CPED1: variants seen among roughly 807,000 people sequenced by gnomAD.
CPED1 encodes cadherin like and PC-esterase domain containing 1.
Under a neutral mutation model 128.2 loss-of-function variants are expected in CPED1, and 114 were observed. The ratio of observed to expected loss-of-function variants is 0.89; its 90% CI spans 0.76 to 1.04. CPED1 has a LOEUF of 1.04. CPED1 is among the 50% of genes least tolerant of loss of function. The pLI is 0.00. For missense variants in CPED1, 1,211 were observed against 1,207.1 expected, an observed-to-expected ratio of 1.00 and a Z score of -0.05; for synonymous variants, 462 against 426.7, an observed-to-expected ratio of 1.08 and a Z score of -1.02.
chr7:121,015,859 T>C lies in CPED1; in HGVS notation c.433+11T>C. 8 of 1,449,882 alleles carry C rather than the reference T, an allele frequency of 5.5e-6. No homozygotes were observed. Among genetic ancestry groups the C allele is most frequent in the Non-Finnish European group, 7.3e-6 (8 of 1,100,866 alleles). The allele number at this position is 1,449,882 out of a possible 1,614,324, so 89.8% of individuals were successfully genotyped here. ...GGCTACTAGAACAAGGTCAGAATAG[T>C]GAGAAGTAACTGCCAAAGTCACTTG... is the stretch of plus-strand genomic sequence containing the variant. On this transcript the variant is annotated intron_variant, in intron 3 of 22. Transcript: ENST00000310396.
intron 16 of CPED1, among the ~76,000 whole-genome samples, chr7:121,165,126 T>C (rs1165489838): frequency 6.6e-6 from 1 of 152,154 alleles, no homozygotes; most frequent in Non-Finnish European, 1.5e-5. Context: ...TTGCCCTTGT[T>C]AAACATAATT....
At chr7:121,169,069 G>A (rs1478287815) in intron 16 of CPED1, among the ~76,000 whole-genome samples, 1 of 152,058 alleles carries the variant, frequency 6.6e-6, no homozygotes, top group Non-Finnish European at 1.5e-5. Context: ...TGAAACAAAT[G>A]CAATATTACA....
chr7:121,105,929 T>A (rs965363628), intron 7 of CPED1, among the ~76,000 whole-genome samples: 28 of 152,148 alleles, frequency 1.8e-4, no homozygotes, highest in Admixed American at 2.0e-4. Context: ...TAAAGAAAAC[T>A]ATTCATTAAT....
At chr7:121,129,285 ATG>A (rs1421556787) in intron 11 of CPED1, among the ~76,000 whole-genome samples, 11 of 80,178 alleles carry the variant, frequency 1.4e-4, no homozygotes, top group South Asian at 4.5e-4. Context: ...GTGTGTATAT[ATG>A]TATATATATA....
intron 16 of CPED1, among the ~76,000 whole-genome samples, chr7:121,207,715 CTT>C (rs1219462835): frequency 2.0e-5 from 3 of 152,004 alleles, no homozygotes; most frequent in Non-Finnish European, 4.4e-5. Context: ...TTTTTGAGGT[CTT>C]GGGGAAAATC....
chr7:121,087,682 G>GTTTTTTTTTTTA (rs1794466437), intron 5 of CPED1, among the ~76,000 whole-genome samples: 1 of 111,580 alleles, frequency 9.0e-6, no homozygotes, highest in African/African-American at 4.1e-5. Flanking sequence ...TTTTTTTTTG[G>GTTTTTTTTTTTA]CAGAGTCTTT....
At chr7:121,061,400 T>C (rs1793668735) in intron 4 of CPED1, among the ~76,000 whole-genome samples, 1 of 152,226 alleles carries the variant, frequency 6.6e-6, no homozygotes, top group Non-Finnish European at 1.5e-5. Flanking sequence ...ATGCATATTG[T>C]ATATATGGCA....
chr7:121,193,228 T>C (rs1282007047), intron 16 of CPED1, among the ~76,000 whole-genome samples: 1 of 152,162 alleles, frequency 6.6e-6, no homozygotes, highest in South Asian at 2.1e-4. Context: ...TTTCTATTTG[T>C]TTTTACAATG....
intron 18 of CPED1, among the ~76,000 whole-genome samples, chr7:121,255,895 G>GA (rs1375873314): frequency 1.3e-5 from 2 of 151,610 alleles, no homozygotes; most frequent in African/African-American, 2.4e-5. Context: ...AAATACTGCT[G>GA]AAAAAATCAG....
chr7:121,037,820 G>A (rs973146641), intron 3 of CPED1, among the ~76,000 whole-genome samples: 3 of 152,126 alleles, frequency 2.0e-5, no homozygotes, highest in African/African-American at 7.2e-5. Context: ...TTTCAGCAGT[G>A]TTTTGTAGTT....
chr7:121,216,058 C>A (rs917563309), intron 16 of CPED1, among the ~76,000 whole-genome samples: 1 of 152,016 alleles, frequency 6.6e-6, no homozygotes, highest in African/African-American at 2.4e-5. Context: ...CAGATTTGGG[C>A]CGTGTATCCT....
At chr7:121,215,695 A>G (rs1797744108) in intron 16 of CPED1, among the ~76,000 whole-genome samples, 1 of 152,110 alleles carries the variant, frequency 6.6e-6, no homozygotes, top group African/African-American at 2.4e-5. Flanking sequence ...CTTCACAAAA[A>G]GTGTTAGTAT....
chr7:121,239,750 A>G (rs1173436151), intron 17 of CPED1, among the ~76,000 whole-genome samples: 1 of 152,168 alleles, frequency 6.6e-6, no homozygotes, highest in African/African-American at 2.4e-5. Context: ...CCGTTGTATC[A>G]TTCAATCTGA....
chr7:121,189,446 C>T (rs1056998515), intron 16 of CPED1, among the ~76,000 whole-genome samples: 4 of 151,970 alleles, frequency 2.6e-5, no homozygotes, highest in Non-Finnish European at 4.4e-5. Context: ...AAGTGCCACA[C>T]ATCAGTTCTC....
chr7:121,052,140 T>A (rs1281957183), intron 4 of CPED1: 1 of 152,264 alleles, frequency 6.6e-6, no homozygotes, highest in African/African-American at 2.4e-5. Flanking sequence ...CTGCCACTGA[T>A]GGCTCCTGTG....
chr7:121,010,711 A>G (rs1792137526), intron 2 of CPED1, among the ~76,000 whole-genome samples: 1 of 152,180 alleles, frequency 6.6e-6, no homozygotes, highest in Admixed American at 6.6e-5. Flanking sequence ...GATCTGGAGT[A>G]GTTCTGAGAA....
At chr7:120,997,101 A>G (rs909591698) in intron 2 of CPED1, among the ~76,000 whole-genome samples, 5 of 152,184 alleles carry the variant, frequency 3.3e-5, no homozygotes, top group Admixed American at 1.3e-4. Flanking sequence ...TCTACTCAAT[A>G]CCTCTAGAAA....
intron 21 of CPED1, among the ~76,000 whole-genome samples, chr7:121,269,730 A>G (rs1354622041): frequency 6.6e-6 from 1 of 152,006 alleles, no homozygotes. Context: ...TTTGATATGC[A>G]TTTCTCTGAT....
chr7:121,281,886 G>C (rs1472392980), intron 22 of CPED1, among the ~76,000 whole-genome samples: 2 of 152,142 alleles, frequency 1.3e-5, no homozygotes, highest in East Asian at 3.8e-4. Flanking sequence ...GCAGCATGGA[G>C]ATAAATTGTC....
Sources: allele counts gnomAD v4.1 joint callset (sites outside exome capture counted in the v4.1 genomes callset), GRCh38; gene constraint gnomAD v4.1.1; transcripts MANE v1.5; gene names NCBI Gene and HGNC (gene_info 2026-07-23, HGNC 2026-07-21).